KLHL18: variants seen among roughly 807,000 people sequenced by gnomAD.
KLHL18 encodes kelch like family member 18, also known as kelch-like protein 18.
In KLHL18, 38 loss-of-function variants were observed where a neutral mutation model predicts 58.5. That is an observed-to-expected ratio of 0.65 (90% CI 0.50 to 0.85). KLHL18 has a LOEUF of 0.85. Among genes scored for constraint, KLHL18 ranks in the 40% least tolerant of loss-of-function variants. KLHL18 has a pLI of 0.00. For synonymous variants in KLHL18, 303 were observed against 301.9 expected, an observed-to-expected ratio of 1.00 and a Z score of -0.04; for missense variants, 624 against 778.4, an observed-to-expected ratio of 0.80 and a Z score of 2.36.
chr3:47,300,287 T>TTATA (rs1207306389), intron 1 of KLHL18, among the ~76,000 whole-genome samples: 31,801 of 132,772 alleles, frequency 0.24, 4,185 homozygotes, highest in East Asian at 0.34. Flanking sequence ...CACCGGCATT[T>TTATA]TATATATATA....
intron 1 of KLHL18, among the ~76,000 whole-genome samples, chr3:47,317,679 CA>C (rs755786454): frequency 2.2e-4 from 34 of 152,144 alleles, no homozygotes; most frequent in Non-Finnish European, 4.4e-4. Context: ...GGCTTGGCTA[CA>C]AATAATATTT....
intron 1 of KLHL18, among the ~76,000 whole-genome samples, chr3:47,304,693 T>C (rs1297463723): frequency 1.3e-5 from 2 of 152,186 alleles, no homozygotes; most frequent in African/African-American, 2.4e-5. Flanking sequence ...GGTTATTTGT[T>C]TTTTTGCAAA....
chr3:47,319,516 G>A, intron 1 of KLHL18, 137 bp from the exon 2 acceptor site: 1 of 808,022 alleles, frequency 1.2e-6, no homozygotes, highest in East Asian at 2.6e-5. Context: ...CCATGCCCTG[G>A]GATGCCTTCA....
Position 47,334,726 on chromosome 3 carries a change from C to G in KLHL18, c.805C>G (p.Arg269Gly), listed in dbSNP as rs769781873. 2.5e-6 allele frequency: 4 copies of G among 1,614,152 alleles called. No homozygotes were observed. Among genetic ancestry groups the G allele is most frequent in the Non-Finnish European group, 3.4e-6 (4 of 1,180,026 alleles). ...AAAGGACTACCACCTCATGCCAGAG[C>G]GCCGGCCCCACCTGCCAGCTTTCAG... is the stretch of plus-strand genomic sequence containing the variant. ...EAKDYHLMPE[R>G]RPHLPAFRTR... The change falls in exon 6 of 10, where the codon CGC (arginine) becomes GGC (glycine). Residue 269 changes from arginine (R) to glycine (G), a missense_variant. By Grantham distance (125) the Arg-to-Gly change is moderately radical. Transcript: ENST00000232766. The surrounding 1 kb of genome is among the most constrained non-coding windows in gnomAD (Gnocchi z 4.7).
At chr3:47,283,465 C>G (rs565442154) in intron 1 of KLHL18, 216 of 276,452 alleles carry the variant, frequency 7.8e-4, no homozygotes, top group African/African-American at 4.5e-3. Context: ...AGAACCTTCT[C>G]TTGTCACTAC....
intron 1 of KLHL18, among the ~76,000 whole-genome samples, chr3:47,312,664 A>T (rs1166176007): frequency 2.0e-5 from 3 of 152,162 alleles, no homozygotes; most frequent in African/African-American, 7.2e-5. Context: ...AGTTTATGTT[A>T]CATTTATTGG....
Position 47,344,162 on chromosome 3 carries a change from C to G in KLHL18, c.*221C>G, listed in dbSNP as rs1281388855. ...TGCACAGCATGGAACACAAGCTCCT[C>G]TGGATCCTGCAGCTGGTGACATGGA... On this transcript the variant is annotated 3_prime_UTR_variant, in exon 10 of 10. Transcript: ENST00000232766. 5.3e-6 allele frequency: 3 copies of G among 571,346 alleles called. No homozygotes were observed. Among genetic ancestry groups the G allele is most frequent in the African/African-American group, 1.9e-5 (1 of 52,852 alleles). The allele number at this position is 571,346 out of a possible 1,614,324, so 35.4% of individuals were successfully genotyped here. A position where few individuals can be genotyped will look rare whatever the true frequency, so the allele number is the denominator to read the frequency against.
chr3:47,292,257 C>T (rs1702804911), intron 1 of KLHL18, among the ~76,000 whole-genome samples: 1 of 151,140 alleles, frequency 6.6e-6, no homozygotes, highest in Non-Finnish European at 1.5e-5. Flanking sequence ...GGTGGATCAC[C>T]TGAGGTCAGG....
At chr3:47,313,879 T>C (rs757776843) in intron 1 of KLHL18, among the ~76,000 whole-genome samples, 30 of 152,124 alleles carry the variant, frequency 2.0e-4, no homozygotes, top group Non-Finnish European at 3.8e-4. Context: ...AAATCTTGGT[T>C]TTCTCATCTA....
chr3:47,306,982 A>G (rs182126915), intron 1 of KLHL18, among the ~76,000 whole-genome samples: 7 of 152,202 alleles, frequency 4.6e-5, no homozygotes, highest in Admixed American at 4.6e-4. Flanking sequence ...TTTTTCTCAA[A>G]TTATGATTCG....
At chr3:47,329,209 T>G (rs1027793783) in intron 3 of KLHL18, among the ~76,000 whole-genome samples, 3 of 151,658 alleles carry the variant, frequency 2.0e-5, no homozygotes, top group Non-Finnish European at 4.4e-5. Flanking sequence ...TTGTGTTTTT[T>G]TTGTTGTTGT....
chr3:47,303,087 A>C (rs962247715), intron 1 of KLHL18, among the ~76,000 whole-genome samples: 1 of 152,196 alleles, frequency 6.6e-6, no homozygotes, highest in Non-Finnish European at 1.5e-5. Context: ...ATGACTGGCT[A>C]TGTCATAAAT....
rs372721918 is a variant in KLHL18 at position 47,323,906 on chromosome 3, G to A, written c.401+1198G>A. Among the ~76,000 whole-genome samples, 190 of 152,224 alleles carry A rather than the reference G, an allele frequency of 1.2e-3. 1 individual carries two copies. The highest frequency in any genetic ancestry group is 4.2e-3 in the African/African-American group (173 of 41,552). On this transcript the variant is annotated intron_variant, in intron 3 of 9. Coordinates refer to ENST00000232766, the MANE Select transcript of KLHL18 (RefSeq NM_025010.5). ...AGTTAGCAGCTTATGGACCACACCC[G>A]CTGTCTGTTCATATCCTGCCCACAC...
At chr3:47,343,189 G>C (rs1347317612) in intron 9 of KLHL18, among the ~76,000 whole-genome samples, 1 of 152,180 alleles carries the variant, frequency 6.6e-6, no homozygotes, top group Admixed American at 6.5e-5. Context: ...TATTTATTCT[G>C]TAAAAAAGGC....
intron 3 of KLHL18, among the ~76,000 whole-genome samples, chr3:47,327,199 G>A (rs190577966): frequency 1.3e-3 from 202 of 152,102 alleles, no homozygotes; most frequent in Non-Finnish European, 2.0e-3. Flanking sequence ...AGATCATGCC[G>A]CTGCACTCTA....
chr3:47,315,676 C>T (rs758589734), intron 1 of KLHL18, among the ~76,000 whole-genome samples: 5 of 152,208 alleles, frequency 3.3e-5, no homozygotes, highest in Non-Finnish European at 5.9e-5. Flanking sequence ...CACAAATCAA[C>T]AAGCCTACCC....
At chr3:47,310,151 C>A (rs1298001449) in intron 1 of KLHL18, among the ~76,000 whole-genome samples, 1 of 152,196 alleles carries the variant, frequency 6.6e-6, no homozygotes, top group Non-Finnish European at 1.5e-5. Flanking sequence ...TCAGATTACT[C>A]CTAACTCAGA....
chr3:47,293,357 T>C (rs1311130657), intron 1 of KLHL18, among the ~76,000 whole-genome samples: 1 of 152,242 alleles, frequency 6.6e-6, no homozygotes, highest in Non-Finnish European at 1.5e-5. Flanking sequence ...AGATTGCTTA[T>C]AGTGCTTTGT....
intron 1 of KLHL18, 80 bp downstream of exon 1, chr3:47,283,174 G>A: frequency 4.7e-6 from 6 of 1,279,418 alleles, no homozygotes; most frequent in Non-Finnish European, 6.5e-6. Flanking sequence ...CAGAGAAAGA[G>A]AGGTCTAGCA....
Sources: gnomAD v4.1 joint callset for allele counts (sites outside exome capture counted in the v4.1 genomes callset) on GRCh38, gnomAD v4.1.1 for gene constraint, Gnocchi (gnomAD v3.1) non-coding constraint, MANE v1.5 for transcripts, NCBI Gene and HGNC (gene_info 2026-07-23, HGNC 2026-07-21) for gene names.